SLIT2: variants seen among roughly 807,000 people sequenced by gnomAD.
The protein encoded by SLIT2 is slit guidance ligand 2.
A neutral mutation model predicts 185.7 loss-of-function variants in SLIT2; 41 were observed. The observed-to-expected ratio is 0.22, with a 90% CI of 0.17 to 0.29. The LOEUF is 0.29. SLIT2 is among the 10% of genes least tolerant of loss of function. The pLI, the probability that SLIT2 is intolerant of heterozygous loss-of-function variation, is 1.00. For missense variants in SLIT2, 1,571 were observed against 1,909.0 expected (o/e 0.82, Z 3.30); for synonymous variants, 693 against 680.2 (o/e 1.02, Z -0.29).
At chr4:20,560,024 C>T (rs749287354) in intron 26 of SLIT2, among the ~76,000 whole-genome samples, 12 of 151,810 alleles carry the variant, frequency 7.9e-5, no homozygotes, top group Non-Finnish European at 1.3e-4. Context: ...GAGTACTATA[C>T]TATTAAGCAT....
intron 4 of SLIT2, among the ~76,000 whole-genome samples, chr4:20,458,357 A>G (rs904345590): frequency 2.6e-5 from 4 of 152,192 alleles, no homozygotes; most frequent in Non-Finnish European, 5.9e-5. Flanking sequence ...GCAAATAAAC[A>G]AATGCCATGT....
chr4:20,513,257 C>G (rs1156715285), intron 11 of SLIT2, among the ~76,000 whole-genome samples: 1 of 152,098 alleles, frequency 6.6e-6, no homozygotes, highest in Non-Finnish European at 1.5e-5. Flanking sequence ...AATGTAGCAA[C>G]GTGTGGAAGA....
intron 9 of SLIT2, among the ~76,000 whole-genome samples, chr4:20,506,180 C>T (rs1170273103): frequency 6.6e-6 from 1 of 152,008 alleles, no homozygotes. Flanking sequence ...GCTCCTTTTA[C>T]ATGGAAAAGT....
At chr4:20,594,212 T>C (rs1364180727) in intron 30 of SLIT2, among the ~76,000 whole-genome samples, 1 of 150,188 alleles carries the variant, frequency 6.7e-6, no homozygotes, top group Non-Finnish European at 1.5e-5. Flanking sequence ...TGTATGTGTG[T>C]ATATATGTAT....
chr4:20,354,138 G>A (rs1278641248), intron 4 of SLIT2, among the ~76,000 whole-genome samples: 2 of 151,608 alleles, frequency 1.3e-5, no homozygotes, highest in Admixed American at 1.3e-4. Flanking sequence ...TAACTACCAG[G>A]CAGGCATCAA....
intron 5 of SLIT2, among the ~76,000 whole-genome samples, chr4:20,471,983 C>G (rs1715087754): frequency 1.3e-5 from 2 of 151,444 alleles, no homozygotes; most frequent in Non-Finnish European, 2.9e-5. Flanking sequence ...TACTTTTTCC[C>G]TTGACATTTT....
Position 20,594,995 on chromosome 4 carries a change from G to T in SLIT2, c.3183-702G>T, listed in dbSNP as rs560606164. Among the ~76,000 whole-genome samples, 80 of 152,268 alleles carry T rather than the reference G, an allele frequency of 5.3e-4. No homozygotes were observed. The South Asian group carries it at 0.017, about 32-fold the overall frequency. Reference sequence around the variant, plus strand: ...AGGAAGTGCTCAGTGAATGTCAGCTGTATTATTACTCCTGGTTCCTCACCA... The same window carrying T: ...AGGAAGTGCTCAGTGAATGTCAGCTTTATTATTACTCCTGGTTCCTCACCA... On this transcript the variant is annotated intron_variant, in intron 30 of 36. Coordinates refer to ENST00000504154, the MANE Select transcript of SLIT2 (RefSeq NM_004787.4).
rs561884567 is a variant in SLIT2, at chr4:20,438,955, T to G, written c.396-28797T>G. Among the ~76,000 whole-genome samples the G allele has an allele frequency of 2.0e-4, 31 of 152,354 alleles. 1 individual carries two copies. The highest frequency in any genetic ancestry group is 7.5e-4 in the African/African-American group (31 of 41,584). On this transcript the variant is annotated intron_variant, in intron 4 of 36. Coordinates refer to ENST00000504154, the MANE Select transcript of SLIT2 (RefSeq NM_004787.4). Reference sequence around the variant, plus strand: ...TCCCTGTGTTTCTCTCCATAGTTTCTTATTGTCTGACATACTATATTGTTT... The same window carrying G: ...TCCCTGTGTTTCTCTCCATAGTTTCGTATTGTCTGACATACTATATTGTTT...
rs553868379 is a variant in SLIT2, at chr4:20,602,625, C to T, written c.3692+4230C>T. Among the ~76,000 whole-genome samples the T allele has an allele frequency of 1.7e-3, 255 of 152,208 alleles. 2 individuals carry two copies. The highest frequency in any genetic ancestry group is 2.9e-3 in the Non-Finnish European group (200 of 68,024). On this transcript the variant is annotated intron_variant, in intron 33 of 36. Transcript: ENST00000504154. ...TGATTCTGAAGCTCTTAGCTAGACC[C>T]GAAAATTTGCATTTTTAACAAGTTT...
chr4:20,539,493 C>A lies in SLIT2; in HGVS notation c.1885C>A (p.Leu629Ile). Residue 629 changes from leucine (L) to isoleucine (I), a missense_variant, in exon 19 of 37, where the codon CTC (leucine) becomes ATC (isoleucine). Leu to Ile is a conservative substitution (Grantham distance 5). This residue lies in a region of SLIT2 where 1,202 missense variants were observed against 1,416.4 expected (regional missense o/e 0.85). Coordinates refer to ENST00000504154, the MANE Select transcript of SLIT2 (RefSeq NM_004787.4). Reference sequence around the variant, plus strand: ...TGTGGGGAATGACAGTTTCATAGGACTCAGTTCTGTGCGTTTGCTTTCTTT... The same window carrying A: ...TGTGGGGAATGACAGTTTCATAGGAATCAGTTCTGTGCGTTTGCTTTCTTT... ...TCVGNDSFIG[L>I]SSVRLLSLYD... 1 of 1,613,696 alleles carries A rather than the reference C, an allele frequency of 6.2e-7. No homozygotes were observed. The highest frequency in any genetic ancestry group is 8.5e-7 in the Non-Finnish European group (1 of 1,179,786).
At chr4:20,492,499 T>C (rs954265632) in intron 9 of SLIT2, among the ~76,000 whole-genome samples, 3 of 152,232 alleles carry the variant, frequency 2.0e-5, no homozygotes, top group Non-Finnish European at 4.4e-5. Flanking sequence ...AGCTGCTGAA[T>C]GCATTTCTAT....
At chr4:20,407,880 C>T (rs1373293471) in intron 4 of SLIT2, among the ~76,000 whole-genome samples, 1 of 152,078 alleles carries the variant, frequency 6.6e-6, no homozygotes, top group African/African-American at 2.4e-5. Context: ...ATAATATCTA[C>T]TGCACTGTGA....
chr4:20,539,340 A>C, intron 18 of SLIT2, 101 bp from the exon 19 acceptor site: 1 of 1,004,656 alleles, frequency 1.0e-6, no homozygotes, highest in Non-Finnish European at 1.5e-6. Context: ...AAAAGTAGTA[A>C]TGAATGCTAC....
intron 29 of SLIT2, among the ~76,000 whole-genome samples, chr4:20,580,090 AC>A (rs1726428436): frequency 6.9e-6 from 1 of 144,566 alleles, no homozygotes; most frequent in Non-Finnish European, 1.5e-5. Context: ...TATATTTGAG[AC>A]CGTGTCTGGC....
At chr4:20,352,865 A>T (rs1722001129) in intron 4 of SLIT2, among the ~76,000 whole-genome samples, 1 of 152,220 alleles carries the variant, frequency 6.6e-6, no homozygotes, top group African/African-American at 2.4e-5. Context: ...ATGAGCCGAG[A>T]GTGCGTCACT....
chr4:20,387,828 G>A (rs1725050635), intron 4 of SLIT2, among the ~76,000 whole-genome samples: 1 of 152,068 alleles, frequency 6.6e-6, no homozygotes, highest in Non-Finnish European at 1.5e-5. Flanking sequence ...TCTCCCCTAT[G>A]CCTCCAGTAG....
intron 4 of SLIT2, among the ~76,000 whole-genome samples, chr4:20,384,567 G>A (rs1256269795): frequency 1.3e-5 from 2 of 152,058 alleles, no homozygotes; most frequent in Admixed American, 1.3e-4. Flanking sequence ...CAATTATACT[G>A]ACAGTTGTGT....
chr4:20,563,783 C>G (rs1724878872), intron 26 of SLIT2, among the ~76,000 whole-genome samples: 2 of 151,874 alleles, frequency 1.3e-5, no homozygotes, highest in Non-Finnish European at 2.9e-5. Context: ...CCTACCTATT[C>G]CAACTCTCTG....
At chr4:20,323,765 A>G (rs1031808391) in intron 4 of SLIT2, among the ~76,000 whole-genome samples, 3 of 152,216 alleles carry the variant, frequency 2.0e-5, no homozygotes, top group African/African-American at 7.2e-5. Flanking sequence ...AGAAACTTGT[A>G]TAAGCTAAAT....
Sources: gnomAD v4.1 joint callset for allele counts (sites outside exome capture counted in the v4.1 genomes callset) on GRCh38, gnomAD v4.1.1 for gene constraint, gnomAD v4.1.1 regional missense constraint, MANE v1.5 for transcripts, NCBI Gene and HGNC (gene_info 2026-07-23, HGNC 2026-07-21) for gene names.